Variants in FBXO21 observed in about 807,000 individuals in gnomAD.
The protein encoded by FBXO21 is F-box only protein 21.
In FBXO21, 32 loss-of-function variants were observed where a neutral mutation model predicts 76.6. That is an observed-to-expected ratio of 0.42 (90% confidence interval 0.32 to 0.56). The LOEUF is 0.56. Among genes scored for constraint, FBXO21 ranks in the 20% least tolerant of loss-of-function variants. FBXO21 has a pLI of 0.16. For synonymous variants in FBXO21, 328 were observed against 311.5 expected, an observed-to-expected ratio of 1.05 and a Z score of -0.56; for missense variants, 586 against 797.3, an observed-to-expected ratio of 0.73 and a Z score of 3.19.
chr12:117,163,255 G>A (rs558790113), intron 9 of FBXO21, among the ~76,000 whole-genome samples: 106 of 152,366 alleles, frequency 7.0e-4, no homozygotes, highest in African/African-American at 2.0e-3. Flanking sequence ...CTTGCAGGCC[G>A]GGCACGGTGG....
At chr12:117,166,007 T>C (rs959868695) in intron 8 of FBXO21, among the ~76,000 whole-genome samples, 15 of 151,942 alleles carry the variant, frequency 9.9e-5, no homozygotes, top group Admixed American at 4.6e-4. Flanking sequence ...CTGACCAACA[T>C]TGAGAAACCC....
rs186928555 is a variant in FBXO21, at chr12:117,161,802, T to A, written c.1326+3683A>T. On this transcript the variant is annotated intron_variant, in intron 9 of 11. Transcript: ENST00000622495. The stretch of plus-strand genomic sequence containing the variant: ...CAGGGTAGAAGACGTCTAGAAACCA[T>A]CCTTCAGCCTTGAAGGGAGGAAATA... 2.5e-3 allele frequency among the ~76,000 whole-genome samples: 386 copies of A among 152,100 alleles called. 7 individuals are homozygous for A. Among genetic ancestry groups the A allele is most frequent in the Admixed American group, 0.021 (325 of 15,278 alleles).
At chr12:117,168,253 C>T (rs113639826) in intron 7 of FBXO21, among the ~76,000 whole-genome samples, 9,685 of 152,192 alleles carry the variant, frequency 0.064, 1,034 homozygotes, top group African/African-American at 0.22. Flanking sequence ...TAGCTGGGTG[C>T]GGTGGCTAAC....
At chr12:117,179,453 CTTT>C (rs143399826) in intron 3 of FBXO21, among the ~76,000 whole-genome samples, 2 of 149,784 alleles carry the variant, frequency 1.3e-5, no homozygotes, top group African/African-American at 4.9e-5. Context: ...CCTCCTCCAT[CTTT>C]TTTTTTTCCC....
At chr12:117,155,760 GC>G (rs1299585279) in intron 11 of FBXO21, 30 bp downstream of exon 11, 1 of 1,598,108 alleles carries the variant, frequency 6.3e-7, no homozygotes, top group African/African-American at 1.3e-5. Context: ...CGCCCGCGGG[GC>G]CACTGGCACA....
chr12:117,150,967 TG>T (rs1955835219), intron 11 of FBXO21, among the ~76,000 whole-genome samples: 1 of 128,660 alleles, frequency 7.8e-6, no homozygotes, highest in African/African-American at 3.3e-5. Flanking sequence ...TGTGTGTGTG[TG>T]TGTGTGTGTG....
intron 3 of FBXO21, among the ~76,000 whole-genome samples, chr12:117,182,935 T>C (rs1457570846): frequency 2.0e-5 from 3 of 151,900 alleles, no homozygotes; most frequent in East Asian, 2.0e-4. Context: ...ATACAAAAAA[T>C]AGAAAAAATT....
rs976642655 is a variant in FBXO21 at position 117,142,374 on chromosome 12, G to A, written c.*3713C>T. On this transcript the variant is annotated 3_prime_UTR_variant, in exon 12 of 12. Transcript: ENST00000622495. The stretch of plus-strand genomic sequence containing the variant: ...CCCTAGCCGGGGTCAGCCAACTATG[G>A]CCTGTGGGCACCATCCCACCTGCAG... 2.6e-5 allele frequency: 4 copies of A among 152,354 alleles called. No individual in the cohort carries two copies. The highest frequency in any genetic ancestry group is 9.7e-5 in the African/African-American group (4 of 41,428). 9.4% of individuals were successfully genotyped at this position (152,354 alleles called of 1,614,324 possible). A position where few individuals can be genotyped will look rare whatever the true frequency, so the allele number is the denominator to read the frequency against.
Position 117,145,486 on chromosome 12 carries a change from CTG to C in FBXO21, c.*599_*600del, listed in dbSNP as rs1955759632. 1 of 152,022 alleles carries C rather than the reference CTG, an allele frequency of 6.6e-6. No homozygotes were observed. The highest frequency in any genetic ancestry group is 6.6e-5 in the Admixed American group (1 of 15,266). 9.4% of individuals were successfully genotyped at this position (152,022 alleles called of 1,614,324 possible). On this transcript the variant is annotated 3_prime_UTR_variant, in exon 12 of 12. Transcript: ENST00000622495. The stretch of plus-strand genomic sequence containing the variant: ...AAAAAAAAGATAAAACACTTGAAAT[CTG>C]TGTTTCACATATTAGAAAAAAATAA...
At chr12:117,178,725 A>C (rs1956200146) in intron 3 of FBXO21, among the ~76,000 whole-genome samples, 1 of 151,890 alleles carries the variant, frequency 6.6e-6, no homozygotes, top group Non-Finnish European at 1.5e-5. Flanking sequence ...ACCTTCTCCT[A>C]GGTTTCAACT....
At chr12:117,189,606 C>A (rs765087742) in intron 1 of FBXO21, among the ~76,000 whole-genome samples, 1 of 152,066 alleles carries the variant, frequency 6.6e-6, no homozygotes, top group Non-Finnish European at 1.5e-5. Context: ...ACAACAACAA[C>A]AATAATAATA....
chr12:117,164,365 C>T (rs1215165806), intron 9 of FBXO21, among the ~76,000 whole-genome samples: 1 of 151,670 alleles, frequency 6.6e-6, no homozygotes, highest in Non-Finnish European at 1.5e-5. Flanking sequence ...CAACCTCCGC[C>T]TCCTGGGTTC....
chr12:117,155,573 G>C (rs966717472), intron 11 of FBXO21: 1 of 603,706 alleles, frequency 1.7e-6, no homozygotes, highest in Admixed American at 2.9e-5. Flanking sequence ...GGAGGCCCTG[G>C]GGGAGGGCGG....
rs1955746193 is a variant in FBXO21 at position 117,144,436 on chromosome 12, G to T, written c.*1651C>A. On this transcript the variant is annotated 3_prime_UTR_variant, in exon 12 of 12. Transcript: ENST00000622495. ...CTCATTCAGGCTGGAGGAGCCAGGG[G>T]CCAAATCCCCATCTCTTTCTAGTAA... is the stretch of plus-strand genomic sequence containing the variant. 2 of 152,128 alleles carry T rather than the reference G, an allele frequency of 1.3e-5. No individual in the cohort carries two copies. Among genetic ancestry groups the T allele is most frequent in the African/African-American group, 4.8e-5 (2 of 41,416 alleles). 9.4% of individuals were successfully genotyped at this position (152,128 alleles called of 1,614,324 possible).
chr12:117,150,743 TAC>T (rs1955827522), intron 11 of FBXO21, among the ~76,000 whole-genome samples: 1 of 152,212 alleles, frequency 6.6e-6, no homozygotes, highest in African/African-American at 2.4e-5. Flanking sequence ...TTGAGATTTT[TAC>T]AATTTGAAAG....
intron 7 of FBXO21, among the ~76,000 whole-genome samples, chr12:117,172,207 A>G (rs377352956): frequency 2.6e-5 from 4 of 152,352 alleles, no homozygotes; most frequent in African/African-American, 9.6e-5. Flanking sequence ...GTAGATTCAC[A>G]CATGCAGTTT....
At chr12:117,172,739 A>C in intron 6 of FBXO21, 132 bp from the exon 7 acceptor site, 2 of 917,948 alleles carry the variant, frequency 2.2e-6, no homozygotes, top group Non-Finnish European at 3.2e-6. Context: ...TGAGTATTTC[A>C]CTTATTTAGG....
intron 7 of FBXO21, among the ~76,000 whole-genome samples, chr12:117,169,141 C>T (rs1236697455): frequency 6.6e-6 from 1 of 152,068 alleles, no homozygotes; most frequent in Non-Finnish European, 1.5e-5. Context: ...TACTATGTAG[C>T]CACAAAAAAG....
In FBXO21 at chr12:117,152,014, G is replaced by A. The variant is rs117325867; in HGVS notation, c.1675+3777C>T. ...CCAAACTCAGTATCACTCACAGGGGGCCCCTGATGAGACCCAGTGGGAAGC... is the reference window on the plus strand; with the variant it reads ...CCAAACTCAGTATCACTCACAGGGGACCCCTGATGAGACCCAGTGGGAAGC... On this transcript the variant is annotated intron_variant, in intron 11 of 11. Coordinates refer to ENST00000622495, the MANE Select transcript of FBXO21 (RefSeq NM_015002.3). Among the ~76,000 whole-genome samples the A allele has an allele frequency of 1.9e-3, 288 of 152,234 alleles. 5 individuals carry two copies. The highest frequency in any genetic ancestry group is 0.016 in the East Asian group (85 of 5,178).
Sources: allele counts gnomAD v4.1 joint callset (sites outside exome capture counted in the v4.1 genomes callset), GRCh38; gene constraint gnomAD v4.1.1; transcripts MANE v1.5; gene names NCBI Gene and HGNC (gene_info 2026-07-23, HGNC 2026-07-21).